The following SORBS2 variants were observed in gnomAD, a reference collection of about 807,000 sequenced individuals.
SORBS2 encodes sorbin and SH3 domain containing 2, also known as sorbin and SH3 domain-containing protein 2.
SORBS2 carries 46 observed loss-of-function variants against 97.7 expected under a neutral mutation model. The observed-to-expected ratio is 0.47, with a 90% CI of 0.37 to 0.60. The LOEUF (loss-of-function observed/expected upper bound fraction) is 0.60, where lower values mean the gene tolerates loss of function less well. SORBS2 is among the 20% of genes least tolerant of loss of function. The pLI is 0.00. For missense variants in SORBS2, 1,316 were observed against 1,282.3 expected (o/e 1.03, Z -0.40); for synonymous variants, 476 against 473.4 (o/e 1.01, Z -0.07).
At chr4:185,928,770 T>TGTC in intron 1 of SORBS2, among the ~76,000 whole-genome samples, 1 of 152,110 alleles carries the variant, frequency 6.6e-6, no homozygotes, top group African/African-American at 2.4e-5. Context: ...ATGGTCTTGA[T>TGTC]CTCCTGACCT....
intron 2 of SORBS2, among the ~76,000 whole-genome samples, chr4:185,741,393 C>CTTTTTTTTT (rs1210677956): frequency 5.0e-5 from 6 of 119,562 alleles, no homozygotes; most frequent in Non-Finnish European, 5.2e-5. Context: ...TCTTTCTTTT[C>CTTTTTTTTT]TTTTTTTTTT....
chr4:185,900,713 C>T (rs2099247256), intron 1 of SORBS2, among the ~76,000 whole-genome samples: 1 of 151,950 alleles, frequency 6.6e-6, no homozygotes, highest in South Asian at 2.1e-4. Context: ...AAGAAACTGC[C>T]TACAATTTAC....
chr4:185,643,040 C>A (rs1049198772), intron 4 of SORBS2, among the ~76,000 whole-genome samples: 1 of 152,374 alleles, frequency 6.6e-6, no homozygotes, highest in Admixed American at 6.5e-5. Context: ...CTGCTACAGG[C>A]CAGGCATCGT....
At chr4:185,590,124 C>T (rs776684515) in intron 13 of SORBS2, among the ~76,000 whole-genome samples, 1 of 152,142 alleles carries the variant, frequency 6.6e-6, no homozygotes, top group Admixed American at 6.5e-5. Flanking sequence ...AGCCATCTAA[C>T]GTCTATCATT....
intron 1 of SORBS2, among the ~76,000 whole-genome samples, chr4:185,839,068 T>C (rs1369873857): frequency 6.6e-6 from 1 of 152,220 alleles, no homozygotes; most frequent in Non-Finnish European, 1.5e-5. Context: ...CGATGTTATT[T>C]TGCAAGGAAG....
rs77494416 is a variant in SORBS2 at position 185,664,846 on chromosome 4, C to T, written c.-45-2604G>A. Among the ~76,000 whole-genome samples, 53 of 152,044 alleles carry T rather than the reference C, an allele frequency of 3.5e-4. No individual in the cohort carries two copies. The East Asian group carries it at 8.5e-3, about 24-fold the overall frequency. On this transcript the variant is annotated intron_variant, in intron 4 of 20. Transcript: ENST00000284776. ...AATTTTGTCTATGACAGTGCTTATTCGGAACTTCATTATAATATCAATTTA... is the reference window on the plus strand; with the variant it reads ...AATTTTGTCTATGACAGTGCTTATTTGGAACTTCATTATAATATCAATTTA...
At chr4:185,734,971 A>G (rs1237892170) in intron 2 of SORBS2, among the ~76,000 whole-genome samples, 1 of 152,224 alleles carries the variant, frequency 6.6e-6, no homozygotes, top group Non-Finnish European at 1.5e-5. Flanking sequence ...ACTGCTCTCT[A>G]CAACTTATAT....
At chr4:185,614,560 C>T in intron 11 of SORBS2, 1 of 402,236 alleles carries the variant, frequency 2.5e-6, no homozygotes, top group Non-Finnish European at 4.4e-6. Context: ...TGTATAAGTC[C>T]TTGATTTTCA....
chr4:185,729,319 C>G lies in SORBS2; in HGVS notation c.-198+45908G>C, dbSNP rs138452898. Among the ~76,000 whole-genome samples the G allele has an allele frequency of 1.3e-3, 195 of 152,342 alleles. 4 individuals are homozygous for G. Among genetic ancestry groups the G allele is most frequent in the Admixed American group, 0.012 (183 of 15,296 alleles). On this transcript the variant is annotated intron_variant, in intron 2 of 20. Coordinates refer to the SORBS2 transcript ENST00000284776. ...TTTTTCATTAACTTTCTACTCATCT[C>G]TTTCTGGGCCCGCTCAGCAAATCCC...
intron 1 of SORBS2, among the ~76,000 whole-genome samples, chr4:185,824,268 T>C (rs2099198515): frequency 6.6e-6 from 1 of 152,208 alleles, no homozygotes; most frequent in Non-Finnish European, 1.5e-5. Context: ...CTGACCTGGC[T>C]TGTGGCAGTG....
At chr4:185,661,969 C>T (rs1264768270), upstream of SORBS2, 7 of 905,428 alleles carry the variant, frequency 7.7e-6, no homozygotes, top group African/African-American at 1.7e-5. Flanking sequence ...GGGTCCTCTG[C>T]CCCAGTTTCT....
exon 1 of SORBS2, chr4:185,656,782 G>A: frequency 1.4e-6 from 2 of 1,456,670 alleles, no homozygotes; most frequent in African/African-American, 1.4e-5. Context: ...GATACACTGA[G>A]CAATGCTTTG....
At chr4:185,893,999 C>T (rs2099243788) in intron 1 of SORBS2, among the ~76,000 whole-genome samples, 1 of 152,094 alleles carries the variant, frequency 6.6e-6, no homozygotes, top group Non-Finnish European at 1.5e-5. Context: ...CTGTCTACCT[C>T]CCGAATGCAG....
chr4:185,838,947 T>A (rs11931846), intron 1 of SORBS2, among the ~76,000 whole-genome samples: 111,953 of 152,052 alleles, frequency 0.74, 41,670 homozygotes, highest in Non-Finnish European at 0.77. Flanking sequence ...TATTTCTATG[T>A]TGTTTCTTTG....
chr4:185,764,833 T>G (rs2098924890), intron 2 of SORBS2, among the ~76,000 whole-genome samples: 1 of 152,174 alleles, frequency 6.6e-6, no homozygotes, highest in South Asian at 2.1e-4. Flanking sequence ...CTAATTCAAT[T>G]AAAGCCTGCT....
In SORBS2 at chr4:185,769,579, C is replaced by T. The variant is rs190588160; in HGVS notation, c.-198+5648G>A. 3.6e-3 allele frequency among the ~76,000 whole-genome samples: 553 copies of T among 152,266 alleles called. 2 individuals carry two copies. The highest frequency in any genetic ancestry group is 0.012 in the African/African-American group (503 of 41,552). ...CATCTCGGCTCACGGCAACCTGTGC[C>T]TCCCGGGTTCAAGCAATTCTCCTGC... On this transcript the variant is annotated intron_variant, in intron 2 of 20. Coordinates refer to the SORBS2 transcript ENST00000284776.
chr4:185,898,566 C>T (rs1289399318), intron 1 of SORBS2, among the ~76,000 whole-genome samples: 1 of 152,042 alleles, frequency 6.6e-6, no homozygotes, highest in Non-Finnish European at 1.5e-5. Flanking sequence ...TAGTCAGTAA[C>T]GGGTGGCAAA....
chr4:185,683,652 C>T (rs868184566), intron 2 of SORBS2, among the ~76,000 whole-genome samples: 2 of 152,118 alleles, frequency 1.3e-5, no homozygotes, highest in Non-Finnish European at 2.9e-5. Flanking sequence ...CCTTGCAATG[C>T]ATCTTGCATT....
At chr4:185,954,923 G>A (rs1352667849) in intron 1 of SORBS2, among the ~76,000 whole-genome samples, 1 of 152,166 alleles carries the variant, frequency 6.6e-6, no homozygotes, top group Non-Finnish European at 1.5e-5. Context: ...TTGCATTCCA[G>A]CCTGGCCAAC....
Sources: gnomAD v4.1 joint callset for allele counts (sites outside exome capture counted in the v4.1 genomes callset) on GRCh38, gnomAD v4.1.1 for gene constraint, MANE v1.5 for transcripts, NCBI Gene and HGNC (gene_info 2026-07-23, HGNC 2026-07-21) for gene names.